Variants in ELFN1 observed in about 807,000 individuals in gnomAD.
ELFN1 encodes extracellular leucine rich repeat and fibronectin type III domain containing 1, also known as protein ELFN1.
A neutral mutation model predicts 7.6 loss-of-function variants in ELFN1; 6 were observed. The observed-to-expected ratio is 0.79, with a 90% CI of 0.43 to 1.56. The LOEUF (loss-of-function observed/expected upper bound fraction) is 1.56. Among genes scored for constraint, ELFN1 ranks in the 40% most tolerant of loss-of-function variants. The pLI, the probability that ELFN1 is intolerant of heterozygous loss-of-function variation, is 0.01. For missense variants in ELFN1, 1,169 were observed against 1,232.2 expected, an observed-to-expected ratio of 0.95 and a Z score of 0.77; for synonymous variants, 657 against 588.1, an observed-to-expected ratio of 1.12 and a Z score of -1.70.
At chr7:1,721,194 G>A (rs758784402) in intron 3 of ELFN1, among the ~76,000 whole-genome samples, 1 of 152,224 alleles carries the variant, frequency 6.6e-6, no homozygotes, top group South Asian at 2.1e-4. Flanking sequence ...AGGGAGAGCC[G>A]GTGGGAGGCA....
Position 1,743,737 on chromosome 7 carries a change from G to T in ELFN1, c.-293-567G>T, listed in dbSNP as rs1107200. 4.9e-4 allele frequency among the ~76,000 whole-genome samples: 74 copies of T among 152,136 alleles called. 2 individuals are homozygous for T. In the East Asian group the frequency reaches 0.012, roughly 26 times the overall value. ...GGGCTGCGGACCCTGCGGTGAGTGC[G>T]CAGGGTAGCTCCTACAGGCGGCTCC... On this transcript the variant is annotated intron_variant, in intron 3 of 3. Coordinates refer to ENST00000424383, the MANE Select transcript of ELFN1 (RefSeq NM_001128636.4).
Position 1,735,623 on chromosome 7 carries a change from C to G in ELFN1, c.-293-8681C>G, listed in dbSNP as rs1351278466. On this transcript the variant is annotated intron_variant, in intron 3 of 3. Transcript: ENST00000424383. This position sits in a 1 kb window ranked among gnomAD's most constrained non-coding sequence, Gnocchi z 5.9. ...GAAGAGAGGACTGGGTCTGGGGGAGCCATGAGGGAGCCCCCAGAGCTGGTG... is the reference window on the plus strand; with the variant it reads ...GAAGAGAGGACTGGGTCTGGGGGAGGCATGAGGGAGCCCCCAGAGCTGGTG... Among the ~76,000 whole-genome samples, 2 of 152,092 alleles carry G rather than the reference C, an allele frequency of 1.3e-5. No individual in the cohort carries two copies. The highest frequency in any genetic ancestry group is 4.8e-5 in the African/African-American group (2 of 41,416).
At position 1,741,401 on chromosome 7, in the gene ELFN1, C is replaced by T. The variant is rs373411479; in HGVS notation, c.-293-2903C>T. On this transcript the variant is annotated intron_variant, in intron 3 of 3. Transcript: ENST00000424383. ...CTCACCTGTACTCTGGGGCAGGGGC[C>T]GAGCAGGAAGGTGAGGGCTGGACTC... Among the ~76,000 whole-genome samples, 34 of 152,330 alleles carry T rather than the reference C, an allele frequency of 2.2e-4. No individual in the cohort carries two copies. In the East Asian group the frequency reaches 4.4e-3, roughly 20 times the overall value.
chr7:1,698,885 G>A (rs1779369666), intron 2 of ELFN1, among the ~76,000 whole-genome samples: 1 of 152,172 alleles, frequency 6.6e-6, no homozygotes, highest in Admixed American at 6.5e-5. Context: ...TGAAGAAACA[G>A]AACAAAACCA....
In ELFN1 at chr7:1,670,623, G is replaced by A. The variant is rs1297500538; in HGVS notation, c.-549+269G>A. On this transcript the variant is annotated intron_variant, in intron 1 of 3. Coordinates refer to ENST00000424383, the MANE Select transcript of ELFN1 (RefSeq NM_001128636.4). The surrounding 1 kb of genome is among the most constrained non-coding windows in gnomAD (Gnocchi z 6.4). The stretch of plus-strand genomic sequence containing the variant: ...CGGGTCGGGGTCGCTGCCGCAGCCC[G>A]CACGCTGCCCCGTGCCTCCGAGAGG... Among the ~76,000 whole-genome samples the A allele has an allele frequency of 1.3e-5, 2 of 151,842 alleles. No homozygotes were observed. The highest frequency in any genetic ancestry group is 1.9e-4 in the East Asian group (1 of 5,170).
At chr7:1,713,496 C>T (rs1367416953) in intron 3 of ELFN1, among the ~76,000 whole-genome samples, 2 of 152,194 alleles carry the variant, frequency 1.3e-5, no homozygotes, top group African/African-American at 4.8e-5. Flanking sequence ...CCCTCCACTT[C>T]CTGTGTTCAA....
intron 3 of ELFN1, among the ~76,000 whole-genome samples, chr7:1,726,851 C>A (rs1475055642): frequency 6.6e-6 from 1 of 152,220 alleles, no homozygotes; most frequent in African/African-American, 2.4e-5. Flanking sequence ...CGTCCCGATT[C>A]TTCCGTAGGG....
chr7:1,681,366 A>G (rs1562357595), intron 1 of ELFN1, among the ~76,000 whole-genome samples: 1 of 151,900 alleles, frequency 6.6e-6, no homozygotes, highest in Non-Finnish European at 1.5e-5. Context: ...ATATTGTAAA[A>G]TTCTTTTTTT....
chr7:1,741,283 G>A (rs547135521), intron 3 of ELFN1, among the ~76,000 whole-genome samples: 4 of 152,284 alleles, frequency 2.6e-5, no homozygotes, highest in South Asian at 2.1e-4. Context: ...GTGCCCACAC[G>A]CCCTAAAGAT....
Position 1,735,255 on chromosome 7 carries a change from G to C in ELFN1, c.-293-9049G>C, listed in dbSNP as rs1296996241. On this transcript the variant is annotated intron_variant, in intron 3 of 3. Coordinates refer to ENST00000424383, the MANE Select transcript of ELFN1 (RefSeq NM_001128636.4). The surrounding 1 kb of genome is among the most constrained non-coding windows in gnomAD (Gnocchi z 5.9). ...CACTTGTAGGGTGTTCCTGCTCTTG[G>C]GGGCAGGGCAGGGGGAGCCCTGCAG... 6.6e-6 allele frequency among the ~76,000 whole-genome samples: 1 copy of C among 152,144 alleles called. No homozygotes were observed. The highest frequency in any genetic ancestry group is 1.5e-5 in the Non-Finnish European group (1 of 68,026).
intron 3 of ELFN1, among the ~76,000 whole-genome samples, chr7:1,718,330 C>A (rs1045315285): frequency 6.6e-6 from 1 of 152,194 alleles, no homozygotes; most frequent in Non-Finnish European, 1.5e-5. Context: ...AACAAAAGGT[C>A]TTGGCCACTC....
rs1780560922 is a variant in ELFN1, at chr7:1,739,897, G to A, written c.-293-4407G>A. Among the ~76,000 whole-genome samples the A allele has an allele frequency of 1.3e-5, 2 of 152,216 alleles. No homozygotes were observed. On this transcript the variant is annotated intron_variant, in intron 3 of 3. Transcript: ENST00000424383. This position sits in a 1 kb window ranked among gnomAD's most constrained non-coding sequence, Gnocchi z 4.6. ...TGGAAACTGCTGGCGATCCTTCCAA[G>A]AAAACCTGCTGCAATGAGGCAGAGG...
intron 2 of ELFN1, among the ~76,000 whole-genome samples, chr7:1,702,388 A>G (rs570663108): frequency 6.6e-6 from 1 of 151,386 alleles, no homozygotes; most frequent in African/African-American, 2.4e-5. Flanking sequence ...ACACCACTGC[A>G]CTCCATCCTG....
At chr7:1,729,876 A>C (rs1345950466) in intron 3 of ELFN1, among the ~76,000 whole-genome samples, 1 of 152,186 alleles carries the variant, frequency 6.6e-6, no homozygotes, top group African/African-American at 2.4e-5. Context: ...TCCCCTCTCA[A>C]ATGCCTACTG....
intron 3 of ELFN1, among the ~76,000 whole-genome samples, chr7:1,733,501 T>C (rs528218920): frequency 6.6e-6 from 1 of 152,086 alleles, no homozygotes; most frequent in African/African-American, 2.4e-5. Context: ...TGATAGAACT[T>C]TCTAGTAACA....
intron 3 of ELFN1, among the ~76,000 whole-genome samples, chr7:1,721,570 G>A (rs943244353): frequency 2.0e-4 from 31 of 152,356 alleles, no homozygotes; most frequent in Admixed American, 8.5e-4. Flanking sequence ...CAGCCTGTGA[G>A]ATGAAGGTTC....
upstream of ELFN1, among the ~76,000 whole-genome samples, chr7:1,669,562 T>C (rs997130379): frequency 6.6e-6 from 1 of 152,210 alleles, no homozygotes; most frequent in African/African-American, 2.4e-5. Flanking sequence ...CTTGACTCAG[T>C]TTCCCTTCCT....
chr7:1,707,116 C>T (rs566245307), intron 2 of ELFN1, among the ~76,000 whole-genome samples: 16 of 152,382 alleles, frequency 1.0e-4, no homozygotes, highest in Admixed American at 4.6e-4. Flanking sequence ...GGTGCCCTGA[C>T]GTGCACACCG....
chr7:1,692,955 C>G (rs1392620544), intron 2 of ELFN1: 4 of 236,716 alleles, frequency 1.7e-5, no homozygotes, highest in Non-Finnish European at 3.4e-5. Context: ...CAAGGCAGGC[C>G]TGGGCCTGCG....
Sources: allele counts gnomAD v4.1 joint callset (sites outside exome capture counted in the v4.1 genomes callset), GRCh38; gene constraint gnomAD v4.1.1; non-coding constraint Gnocchi (gnomAD v3.1); transcripts MANE v1.5; gene names NCBI Gene and HGNC (gene_info 2026-07-23, HGNC 2026-07-21).